The following EFTUD2 variants were observed in gnomAD, a reference collection of about 807,000 sequenced individuals.
EFTUD2 encodes the protein elongation factor Tu GTP binding domain containing 2, also known as 116 kDa U5 small nuclear ribonucleoprotein component.
Under a neutral mutation model 114.3 loss-of-function variants are expected in EFTUD2, and 9 were observed. The observed-to-expected ratio is 0.08, with a 90% CI of 0.05 to 0.14. The LOEUF (loss-of-function observed/expected upper bound fraction) is 0.14, where lower values mean the gene tolerates loss of function less well. EFTUD2 is among the 10% of genes least tolerant of loss of function. The pLI is 1.00. For synonymous variants in EFTUD2, 449 were observed against 462.3 expected (o/e 0.97, Z 0.37); for missense variants, 765 against 1,241.2 (o/e 0.62, Z 5.76).
chr17:44,854,368 CATG>C lies in EFTUD2; in HGVS notation c.2260-15_2260-13del, dbSNP rs763457278. ...AGAGCCTTGTCCACCTATAGAGAAA[CATG>C]AGGCCTCCTTAGCAGTCGCCCTGGC... On this transcript the variant is annotated splice_polypyrimidine_tract_variant and intron_variant, in intron 22 of 27. Transcript: ENST00000426333. The surrounding 1 kb of genome is among the most constrained non-coding windows in gnomAD (Gnocchi z 4.3). 1 of 1,612,382 alleles carries C rather than the reference CATG, an allele frequency of 6.2e-7. No homozygotes were observed. The highest frequency in any genetic ancestry group is 8.5e-7 in the Non-Finnish European group (1 of 1,179,340).
intron 20 of EFTUD2, among the ~76,000 whole-genome samples, chr17:44,856,162 T>C (rs1597791213): frequency 7.6e-6 from 1 of 131,574 alleles, no homozygotes; most frequent in African/African-American, 2.9e-5. Context: ...AAAGCCACAG[T>C]ATCAGGGGCA....
chr17:44,865,497 C>CTTGAG (rs2050729770), intron 13 of EFTUD2, among the ~76,000 whole-genome samples: 1 of 152,192 alleles, frequency 6.6e-6, no homozygotes, highest in Non-Finnish European at 1.5e-5. Context: ...AGCTAAATCA[C>CTTGAG]CCTCAGTAGA....
intron 13 of EFTUD2, 41 bp downstream of exon 13, chr17:44,867,765 CT>C (rs2050775654): frequency 6.8e-7 from 1 of 1,469,402 alleles, no homozygotes. Flanking sequence ...CCACACTGTG[CT>C]TATAAGAGCA....
In EFTUD2 at chr17:44,850,978, T is replaced by C. The variant is rs1597785575; in HGVS notation, c.*296A>G. 3.5e-5 allele frequency: 14 copies of C among 394,568 alleles called. No individual in the cohort carries two copies. The East Asian group carries it at 4.2e-4, about 12-fold the overall frequency. The allele number at this position is 394,568 out of a possible 1,614,324, so 24.4% of individuals were successfully genotyped here. Reference sequence around the variant, plus strand: ...CAAACTTGTAGAAAATAAAATTCCATGTAAATCCCAAAGATAGGGCCCCTT... The same window carrying C: ...CAAACTTGTAGAAAATAAAATTCCACGTAAATCCCAAAGATAGGGCCCCTT... On this transcript the variant is annotated 3_prime_UTR_variant, in exon 28 of 28. Transcript: ENST00000426333.
chr17:44,881,096 T>G lies in EFTUD2; in HGVS notation c.529-452A>C, dbSNP rs554906781. 9.8e-4 allele frequency among the ~76,000 whole-genome samples: 149 copies of G among 152,288 alleles called. 1 individual carries two copies. Among genetic ancestry groups the G allele is most frequent in the South Asian group, 1.9e-3 (9 of 4,824 alleles). Reference sequence around the variant, plus strand: ...AAATACATTATAAAATAATAACAGCTAACATTGATTGCCTATCTATCTTTA... The same window carrying G: ...AAATACATTATAAAATAATAACAGCGAACATTGATTGCCTATCTATCTTTA... On this transcript the variant is annotated intron_variant, in intron 7 of 27. Coordinates refer to ENST00000426333, the MANE Select transcript of EFTUD2 (RefSeq NM_004247.4).
intron 10 of EFTUD2, among the ~76,000 whole-genome samples, chr17:44,874,250 G>C (rs1027460805): frequency 1.3e-5 from 2 of 152,032 alleles, no homozygotes; most frequent in African/African-American, 4.8e-5. Flanking sequence ...TAGCTATGTT[G>C]CCCAGGCTGG....
At chr17:44,875,594 C>A in intron 10 of EFTUD2, 1 of 169,280 alleles carries the variant, frequency 5.9e-6, no homozygotes, top group East Asian at 1.6e-4. Flanking sequence ...TGCCTGTGGT[C>A]CCAGCTATCA....
intron 1 of EFTUD2, among the ~76,000 whole-genome samples, chr17:44,898,588 G>A (rs910825467): frequency 6.6e-6 from 1 of 152,194 alleles, no homozygotes; most frequent in African/African-American, 2.4e-5. Flanking sequence ...CAGGGCCACT[G>A]CACTTGCCTT....
rs369372715 is a variant in EFTUD2, at chr17:44,860,552, A to G, written c.1608-9T>C. On this transcript the variant is annotated splice_polypyrimidine_tract_variant and intron_variant, in intron 16 of 27. Coordinates refer to ENST00000426333, the MANE Select transcript of EFTUD2 (RefSeq NM_004247.4). ...TCACCTCGATGTGGTACCTGAAGCA[A>G]TGTCCAATAAGCAGCAGTGAAACTT... The G allele has an allele frequency of 3.3e-5, 51 of 1,562,480 alleles. No homozygotes were observed. Among genetic ancestry groups the G allele is most frequent in the African/African-American group, 5.4e-5 (4 of 73,774 alleles).
At chr17:44,892,631 CTTTTTTTTTTT>C (rs967860195) in intron 2 of EFTUD2, among the ~76,000 whole-genome samples, 2 of 101,400 alleles carry the variant, frequency 2.0e-5, no homozygotes, top group Admixed American at 2.5e-4. Flanking sequence ...ACTGTAAAAC[CTTTTTTTTTTT>C]TTTTTTTTTT....
At chr17:44,870,665 T>G (rs1271035182) in intron 11 of EFTUD2, among the ~76,000 whole-genome samples, 1 of 152,164 alleles carries the variant, frequency 6.6e-6, no homozygotes, top group Non-Finnish European at 1.5e-5. Context: ...ACAGTAAATG[T>G]GTTTTTTCTC....
Position 44,851,223 on chromosome 17 carries a change from C to A in EFTUD2, c.*51G>T. On this transcript the variant is annotated 3_prime_UTR_variant, in exon 28 of 28. Transcript: ENST00000426333. The stretch of plus-strand genomic sequence containing the variant: ...TCATATGAGGTCTCAGCTTCAAGTA[C>A]AGGAGTTGCAGCCCACTGTAGGGAG... 1 of 1,445,416 alleles carries A rather than the reference C, an allele frequency of 6.9e-7. No homozygotes were observed. The highest frequency in any genetic ancestry group is 9.7e-7 in the Non-Finnish European group (1 of 1,027,686). 89.5% of individuals were successfully genotyped at this position (1,445,416 alleles called of 1,614,324 possible).
Position 44,859,854 on chromosome 17 carries a change from A to T in EFTUD2, c.1860+51T>A, listed in dbSNP as rs191637009. 108 of 1,611,890 alleles carry T rather than the reference A, an allele frequency of 6.7e-5. No individual in the cohort carries two copies. In the Admixed American group the frequency reaches 1.5e-3, roughly 22 times the overall value. On this transcript the variant is annotated intron_variant, in intron 18 of 27. Transcript: ENST00000426333. ...TGGGAAGCGGTGTGCAGCTCTGCCC[A>T]TTCAGCTGGGGATAGTGGGGCTTGG... is the stretch of plus-strand genomic sequence containing the variant.
intron 27 of EFTUD2, 99 bp downstream of exon 27, chr17:44,851,611 G>T: frequency 8.1e-7 from 1 of 1,234,232 alleles, no homozygotes; most frequent in Non-Finnish European, 1.1e-6. Context: ...CATTGGAAAA[G>T]TGTCCCTTAG....
intron 2 of EFTUD2, 150 bp from the exon 3 acceptor site, chr17:44,886,900 G>T: frequency 7.4e-7 from 1 of 1,344,434 alleles, no homozygotes; most frequent in Non-Finnish European, 1.0e-6. Flanking sequence ...CCACTCCTTT[G>T]AGACCCTTCA....
rs772149927 is a variant in EFTUD2, at chr17:44,854,621, T to C, written c.2194A>G (p.Ile732Val). The change falls in exon 22 of 28, where the codon ATC becomes GTC. Residue 732 changes from isoleucine to valine, a missense_variant. By Grantham distance (29) the Ile-to-Val change is conservative. Transcript: ENST00000426333. The surrounding 1 kb of genome is among the most constrained non-coding windows in gnomAD (Gnocchi z 4.3). The part of the protein sequence containing the change: ...YDWDLLAARS[I>V]WAFGPDATGP... ...GTCGCATCAGGGCCAAAAGCCCAGATGGAACGGGCAGCCAGCAGATCCCAA... is the reference window on the plus strand; with the variant it reads ...GTCGCATCAGGGCCAAAAGCCCAGACGGAACGGGCAGCCAGCAGATCCCAA... The C allele has an allele frequency of 2.5e-6, 4 of 1,614,176 alleles. No individual in the cohort carries two copies. The highest frequency in any genetic ancestry group is 1.7e-6 in the Non-Finnish European group (2 of 1,180,026).
At chr17:44,877,082 G>C (rs1459401177) in intron 9 of EFTUD2, among the ~76,000 whole-genome samples, 2 of 152,030 alleles carry the variant, frequency 1.3e-5, no homozygotes, top group Non-Finnish European at 2.9e-5. Context: ...TGTAGTCCCA[G>C]CTATTTGGGA....
chr17:44,887,396 G>A (rs995839819), intron 2 of EFTUD2, among the ~76,000 whole-genome samples: 2 of 152,146 alleles, frequency 1.3e-5, no homozygotes, highest in African/African-American at 4.8e-5. Context: ...ATTTATAATA[G>A]CCAAAAAGTG....
chr17:44,881,214 G>C (rs747193019), intron 7 of EFTUD2, among the ~76,000 whole-genome samples: 1 of 152,072 alleles, frequency 6.6e-6, no homozygotes, highest in Non-Finnish European at 1.5e-5. Context: ...AAACAGAAGG[G>C]GTCAGAGATT....
Sources: gnomAD v4.1 joint callset for allele counts (sites outside exome capture counted in the v4.1 genomes callset) on GRCh38, gnomAD v4.1.1 for gene constraint, Gnocchi (gnomAD v3.1) non-coding constraint, MANE v1.5 for transcripts, NCBI Gene and HGNC (gene_info 2026-07-23, HGNC 2026-07-21) for gene names.